MBTPS1: variants seen among roughly 807,000 people sequenced by gnomAD.
MBTPS1 encodes the protein membrane bound transcription factor peptidase, site 1.
A neutral mutation model predicts 127.8 loss-of-function variants in MBTPS1; 94 were observed. The ratio of observed to expected loss-of-function variants is 0.74; its 90% CI spans 0.62 to 0.87. The LOEUF (loss-of-function observed/expected upper bound fraction) is 0.87. Among genes scored for constraint, MBTPS1 ranks in the 40% least tolerant of loss-of-function variants. MBTPS1 has a pLI of 0.00. For synonymous variants in MBTPS1, 632 were observed against 509.4 expected (o/e 1.24, Z -3.24); for missense variants, 1,636 against 1,353.2 (o/e 1.21, Z -3.28).
At chr16:84,099,936 T>A (rs2086231313) in intron 2 of MBTPS1, among the ~76,000 whole-genome samples, 1 of 152,136 alleles carries the variant, frequency 6.6e-6, no homozygotes, top group Non-Finnish European at 1.5e-5. Flanking sequence ...GAAAAAGAAA[T>A]TCAGAGAACT....
chr16:84,055,638 G>A (rs188618592), intron 22 of MBTPS1, among the ~76,000 whole-genome samples: 2 of 152,104 alleles, frequency 1.3e-5, no homozygotes, highest in Admixed American at 6.5e-5. Flanking sequence ...TGCTGCCATT[G>A]GCTGGGACCC....
At chr16:84,085,641 TAA>T (rs1186914066) in intron 9 of MBTPS1, among the ~76,000 whole-genome samples, 4 of 133,306 alleles carry the variant, frequency 3.0e-5, no homozygotes, top group African/African-American at 5.7e-5. Flanking sequence ...GCTTAAACGA[TAA>T]TGTAGAAAGT....
At chr16:84,112,356 T>A (rs1303894304) in intron 1 of MBTPS1, among the ~76,000 whole-genome samples, 1 of 152,172 alleles carries the variant, frequency 6.6e-6, no homozygotes, top group African/African-American at 2.4e-5. Flanking sequence ...AGATAAAACA[T>A]ATTTTAGTAT....
chr16:84,093,487 G>A (rs972306383), intron 5 of MBTPS1, among the ~76,000 whole-genome samples, 190 bp from the exon 6 acceptor site: 6 of 151,962 alleles, frequency 3.9e-5, no homozygotes, highest in African/African-American at 2.4e-5. Flanking sequence ...GCCACTCCAC[G>A]CTCTCCGGGA....
chr16:84,067,601 G>C, intron 16 of MBTPS1, 66 bp downstream of exon 16: 1 of 1,248,418 alleles, frequency 8.0e-7, no homozygotes, highest in Non-Finnish European at 1.2e-6. Context: ...CATCACTTAA[G>C]TATTTGCTGG....
At chr16:84,056,241 G>A (rs929126645) in intron 21 of MBTPS1, 106 bp from the exon 22 acceptor site, 6 of 953,478 alleles carry the variant, frequency 6.3e-6, no homozygotes, top group African/African-American at 3.3e-5. Context: ...GTGATCTACG[G>A]GGAGATGTGA....
Position 84,065,732 on chromosome 16 carries a change from GA to G in MBTPS1, c.2388del (p.Pro797GlnfsTer6). The G allele has an allele frequency of 6.2e-7, 1 of 1,611,560 alleles. No individual in the cohort carries two copies. Among genetic ancestry groups the G allele is most frequent in the Non-Finnish European group, 8.5e-7 (1 of 1,179,254 alleles). ...TGTGTTATCACGACGCCATCTTCTG[GA>G]AACTTCGCGATGCTGCACCCTGACG... ...YYASGCSIAKFPEDGVVITQT... is the reference protein window; with the variant it reads ...YYASGCSIAKXPEDGVVITQT... On this transcript the variant is annotated frameshift_variant, in exon 18 of 23. Coordinates refer to ENST00000343411, the MANE Select transcript of MBTPS1 (RefSeq NM_003791.4). LOFTEE classifies it high-confidence loss of function.
At chr16:84,060,618 T>A (rs1248341230) in intron 20 of MBTPS1, 64 bp downstream of exon 20, 2 of 1,571,716 alleles carry the variant, frequency 1.3e-6, no homozygotes, top group Non-Finnish European at 1.7e-6. Context: ...AGCCACTGGC[T>A]GAAGTAGCAT....
rs566924041 is a variant in MBTPS1, at chr16:84,059,276, G to C, written c.2831+26C>G. The C allele has an allele frequency of 1.4e-5, 22 of 1,602,544 alleles. No homozygotes were observed. In the African/African-American group the frequency reaches 1.5e-4, roughly 11 times the overall value. On this transcript the variant is annotated intron_variant, in intron 21 of 22. Coordinates refer to ENST00000343411, the MANE Select transcript of MBTPS1 (RefSeq NM_003791.4). ...ATGACTCACAAGCCCCGTGGAAAGA[G>C]TGGAAGGGCACAGGCGGACACTAAC...
intron 11 of MBTPS1, among the ~76,000 whole-genome samples, chr16:84,077,391 T>C (rs971169032): frequency 3.9e-5 from 6 of 152,096 alleles, no homozygotes; most frequent in Admixed American, 6.5e-5. Context: ...TACCAGTACA[T>C]GGACAGACAG....
intron 1 of MBTPS1, among the ~76,000 whole-genome samples, chr16:84,114,000 C>G (rs1031413339): frequency 7.0e-6 from 1 of 142,708 alleles, no homozygotes; most frequent in African/African-American, 2.6e-5. Context: ...GAGTCTCGCT[C>G]TGCCGCCAGG....
At chr16:84,097,837 C>CGT (rs71382894) in intron 3 of MBTPS1, among the ~76,000 whole-genome samples, 11,228 of 142,774 alleles carry the variant, frequency 0.079, 482 homozygotes, top group East Asian at 0.15. Context: ...AACTTCTCTT[C>CGT]GTGTGTGTGT....
At chr16:84,087,672 C>G (rs2086050464) in intron 8 of MBTPS1, among the ~76,000 whole-genome samples, 1 of 152,140 alleles carries the variant, frequency 6.6e-6, no homozygotes, top group Non-Finnish European at 1.5e-5. Flanking sequence ...ATTACGCCCT[C>G]TCACCTGCAA....
At chr16:84,078,201 A>C (rs1319402257) in intron 11 of MBTPS1, among the ~76,000 whole-genome samples, 2 of 152,148 alleles carry the variant, frequency 1.3e-5, no homozygotes, top group African/African-American at 4.8e-5. Flanking sequence ...CAGCAGTGCT[A>C]CCTTACCTAA....
chr16:84,079,216 G>T (rs7189390), intron 11 of MBTPS1, among the ~76,000 whole-genome samples: 1 of 152,166 alleles, frequency 6.6e-6, no homozygotes. Flanking sequence ...CCAGAAGCAG[G>T]TGCTGGTGCT....
rs377721980 is a variant in MBTPS1 at position 84,062,529 on chromosome 16, C to T, written c.2572+776G>A. On this transcript the variant is annotated intron_variant, in intron 19 of 22. Coordinates refer to ENST00000343411, the MANE Select transcript of MBTPS1 (RefSeq NM_003791.4). ...GGGCACACACACACCTCTCAGCGCA[C>T]GCTGTTAGTGCCTCATTCTTGTCAC... Among the ~76,000 whole-genome samples the T allele has an allele frequency of 5.4e-4, 82 of 152,332 alleles. 1 individual carries two copies. The South Asian group carries it at 0.011, about 20-fold the overall frequency.
At chr16:84,069,775 G>C in intron 14 of MBTPS1, 91 bp downstream of exon 14, 1 of 1,232,782 alleles carries the variant, frequency 8.1e-7, no homozygotes, top group Non-Finnish European at 1.1e-6. Flanking sequence ...ACGAGAAGCT[G>C]AGCAACATCT....
intron 3 of MBTPS1, among the ~76,000 whole-genome samples, chr16:84,098,707 C>A (rs116208932): frequency 1.3e-5 from 2 of 152,144 alleles, no homozygotes; most frequent in African/African-American, 4.8e-5. Context: ...TCTTTCAGCA[C>A]GAGAAGGCGG....
chr16:84,106,451 G>A (rs553092678), intron 1 of MBTPS1, among the ~76,000 whole-genome samples: 1 of 152,300 alleles, frequency 6.6e-6, no homozygotes, highest in South Asian at 2.1e-4. Context: ...GCTGGCCAAG[G>A]GTCTGGGGAA....
Sources: allele counts gnomAD v4.1 joint callset (sites outside exome capture counted in the v4.1 genomes callset), GRCh38; gene constraint gnomAD v4.1.1; transcripts MANE v1.5; gene names NCBI Gene and HGNC (gene_info 2026-07-23, HGNC 2026-07-21).